UST: variants seen among roughly 807,000 people sequenced by gnomAD.
UST encodes chondroitin sulfate 2-O-sulfotransferase.
In UST, 21 loss-of-function variants were observed where a neutral mutation model predicts 45.6. The ratio of observed to expected loss-of-function variants is 0.46; its 90% confidence interval spans 0.33 to 0.66. The LOEUF (loss-of-function observed/expected upper bound fraction) is 0.66, where lower values mean the gene tolerates loss of function less well. Ranked by LOEUF, UST falls within the 30% of genes least tolerant of loss-of-function variation. The pLI is 0.02. For missense variants in UST, 463 were observed against 512.4 expected (o/e 0.90, Z 0.93); for synonymous variants, 215 against 200.6 (o/e 1.07, Z -0.61).
At chr6:148,955,940 G>A (rs1422147122) in intron 4 of UST, 1 of 152,176 alleles carries the variant, frequency 6.6e-6, no homozygotes, top group Non-Finnish European at 1.5e-5. Context: ...TTCTGTGATG[G>A]CCTCTACCAA....
At chr6:148,910,226 C>T (rs967707832) in intron 2 of UST, among the ~76,000 whole-genome samples, 1 of 150,520 alleles carries the variant, frequency 6.6e-6, no homozygotes, top group Non-Finnish European at 1.5e-5. Flanking sequence ...CCACAACCTC[C>T]GCCTCCTGGG....
intron 1 of UST, among the ~76,000 whole-genome samples, chr6:148,812,766 A>T (rs1777282938): frequency 6.6e-6 from 1 of 152,214 alleles, no homozygotes; most frequent in African/African-American, 2.4e-5. Flanking sequence ...GAAGTAATAT[A>T]GTTTAACTTC....
At chr6:148,810,250 T>A (rs1030506497) in intron 1 of UST, among the ~76,000 whole-genome samples, 2 of 152,282 alleles carry the variant, frequency 1.3e-5, no homozygotes, top group East Asian at 3.9e-4. Flanking sequence ...CTGCTTAGAA[T>A]TATAGTTGCC....
At chr6:148,949,292 AAATAAT>A (rs56946786) in intron 3 of UST, among the ~76,000 whole-genome samples, 1,659 of 141,338 alleles carry the variant, frequency 0.012, 22 homozygotes, top group African/African-American at 0.033. Flanking sequence ...CTTCGTCTCA[AAATAAT>A]AATAATAATA....
intron 4 of UST, among the ~76,000 whole-genome samples, chr6:148,958,228 C>CT (rs1224268819): frequency 6.6e-6 from 1 of 151,890 alleles, no homozygotes; most frequent in African/African-American, 2.4e-5. Flanking sequence ...CTTCTTTTTC[C>CT]TTTTTTAGAG....
At chr6:148,878,757 G>C (rs145616117) in intron 1 of UST, among the ~76,000 whole-genome samples, 95 of 151,418 alleles carry the variant, frequency 6.3e-4, no homozygotes, top group African/African-American at 1.8e-3. Context: ...GTTCAGGTAT[G>C]AGTGGTGGGG....
At chr6:148,853,404 T>C (rs1310883332) in intron 1 of UST, among the ~76,000 whole-genome samples, 4 of 152,230 alleles carry the variant, frequency 2.6e-5, no homozygotes, top group Admixed American at 2.6e-4. Flanking sequence ...CTATTGTGAA[T>C]AGTGCTGCCA....
chr6:148,839,828 G>A (rs1562273524), intron 1 of UST, among the ~76,000 whole-genome samples: 1 of 152,146 alleles, frequency 6.6e-6, no homozygotes, highest in African/African-American at 2.4e-5. Flanking sequence ...CCTGGTATGT[G>A]GCTAGTATTG....
intron 2 of UST, among the ~76,000 whole-genome samples, chr6:148,914,472 A>G (rs139027088): frequency 3.7e-4 from 56 of 152,298 alleles, no homozygotes; most frequent in South Asian, 1.2e-3. Flanking sequence ...TCTCACAGGG[A>G]ACGTGCAACC....
chr6:148,970,081 G>A (rs766768857), intron 5 of UST, among the ~76,000 whole-genome samples: 2 of 152,230 alleles, frequency 1.3e-5, no homozygotes, highest in Non-Finnish European at 2.9e-5. Flanking sequence ...GATACGCTGC[G>A]AAATACATTT....
At chr6:148,919,977 A>C (rs1779669871) in intron 2 of UST, among the ~76,000 whole-genome samples, 1 of 152,228 alleles carries the variant, frequency 6.6e-6, no homozygotes, top group Admixed American at 6.5e-5. Flanking sequence ...AATATGATTC[A>C]TGGATCAGGC....
At chr6:148,823,361 C>G (rs1777502626) in intron 1 of UST, among the ~76,000 whole-genome samples, 1 of 152,118 alleles carries the variant, frequency 6.6e-6, no homozygotes, top group South Asian at 2.1e-4. Flanking sequence ...ATCTGTGGCC[C>G]TTTGCTCTAA....
At chr6:148,860,922 A>G (rs1562279922) in intron 1 of UST, among the ~76,000 whole-genome samples, 1 of 152,198 alleles carries the variant, frequency 6.6e-6, no homozygotes, top group Non-Finnish European at 1.5e-5. Context: ...GGATTTTTGC[A>G]TTGATGTTCA....
chr6:149,021,202 G>A, intron 6 of UST, 122 bp from the exon 7 acceptor site: 1 of 1,150,064 alleles, frequency 8.7e-7, no homozygotes, highest in South Asian at 1.6e-5. Context: ...GCTGGTCCTT[G>A]AGGGAAACAG....
intron 1 of UST, among the ~76,000 whole-genome samples, chr6:148,860,498 G>T (rs1778290194): frequency 6.6e-6 from 1 of 152,144 alleles, no homozygotes; most frequent in Admixed American, 6.5e-5. Flanking sequence ...TCTTTCTCCT[G>T]CCTGATTGCC....
intron 2 of UST, among the ~76,000 whole-genome samples, chr6:148,889,525 A>T (rs530519410): frequency 2.0e-5 from 3 of 152,234 alleles, no homozygotes; most frequent in Admixed American, 2.0e-4. Context: ...GGGAGGGGCA[A>T]GGTGAAGCAC....
intron 5 of UST, among the ~76,000 whole-genome samples, chr6:148,983,907 T>C (rs1211577459): frequency 6.6e-6 from 1 of 152,218 alleles, no homozygotes; most frequent in African/African-American, 2.4e-5. Flanking sequence ...CATCACACAG[T>C]GTACACATGC....
At chr6:148,828,374 G>A (rs1187138270) in intron 1 of UST, among the ~76,000 whole-genome samples, 1 of 151,996 alleles carries the variant, frequency 6.6e-6, no homozygotes, top group Non-Finnish European at 1.5e-5. Flanking sequence ...AGTTAATAAT[G>A]CCGTTATATT....
intron 5 of UST, among the ~76,000 whole-genome samples, chr6:149,009,580 CACAT>C (rs769048512): frequency 2.1e-5 from 3 of 142,078 alleles, no homozygotes; most frequent in Non-Finnish European, 4.7e-5. Context: ...CACACACACA[CACAT>C]AGACAGACAC....
Sources: gnomAD v4.1 joint callset for allele counts (sites outside exome capture counted in the v4.1 genomes callset) on GRCh38, gnomAD v4.1.1 for gene constraint, MANE v1.5 for transcripts, NCBI Gene and HGNC (gene_info 2026-07-23, HGNC 2026-07-21) for gene names.